The following ADARB2 variants were observed in gnomAD, a reference collection of about 807,000 sequenced individuals.
ADARB2 encodes adenosine deaminase RNA specific B2 (inactive).
In ADARB2, 25 loss-of-function variants were observed where a neutral mutation model predicts 62.2. That is an observed-to-expected ratio of 0.40 (90% CI 0.29 to 0.56). The LOEUF is 0.56. ADARB2 is among the 20% of genes least tolerant of loss of function. The pLI, the probability that ADARB2 is intolerant of heterozygous loss-of-function variation, is 0.43. For missense variants in ADARB2, 1,071 were observed against 1,077.4 expected (o/e 0.99, Z 0.08); for synonymous variants, 572 against 500.8 (o/e 1.14, Z -1.90).
intron 1 of ADARB2, among the ~76,000 whole-genome samples, chr10:1,558,236 T>A (rs1832732743): frequency 6.7e-6 from 1 of 149,160 alleles, no homozygotes; most frequent in Non-Finnish European, 1.5e-5. Flanking sequence ...CCCCCCTCCA[T>A]GGGTGCTCAG....
intron 1 of ADARB2, among the ~76,000 whole-genome samples, chr10:1,393,358 T>A (rs1390143410): frequency 1.3e-5 from 2 of 152,248 alleles, no homozygotes; most frequent in African/African-American, 4.8e-5. Flanking sequence ...TCCTTTGTGT[T>A]ACAAATAATC....
At chr10:1,551,000 G>A (rs1157613569) in intron 1 of ADARB2, among the ~76,000 whole-genome samples, 2 of 152,132 alleles carry the variant, frequency 1.3e-5, no homozygotes, top group African/African-American at 2.4e-5. Flanking sequence ...AAATTCACAC[G>A]TGGAAACCCT....
chr10:1,375,028 C>A lies in ADARB2; in HGVS notation c.187+4046G>T, dbSNP rs541882854. Among the ~76,000 whole-genome samples the A allele has an allele frequency of 1.0e-3, 153 of 152,170 alleles. 1 individual carries two copies. Among genetic ancestry groups the A allele is most frequent in the African/African-American group, 3.6e-3 (148 of 41,476 alleles). On this transcript the variant is annotated intron_variant, in intron 2 of 9. Transcript: ENST00000381312. ...GTGGAGTGGACACTGGCAGGCTGGG[C>A]AGCTGCAGAAGGGCCTCCTTCAAAG...
At chr10:1,680,500 C>G (rs1834522813) in intron 1 of ADARB2, among the ~76,000 whole-genome samples, 1 of 152,182 alleles carries the variant, frequency 6.6e-6, no homozygotes, top group Non-Finnish European at 1.5e-5. Flanking sequence ...GGGCCATGCA[C>G]TTCCCACAGG....
chr10:1,317,542 A>G (rs1261748294), intron 3 of ADARB2, among the ~76,000 whole-genome samples: 1 of 152,242 alleles, frequency 6.6e-6, no homozygotes, highest in East Asian at 1.9e-4. Context: ...TATATAAACA[A>G]GATCACTTCT....
chr10:1,690,211 A>G (rs1490387265), intron 1 of ADARB2, among the ~76,000 whole-genome samples: 1 of 152,256 alleles, frequency 6.6e-6, no homozygotes, highest in African/African-American at 2.4e-5. Flanking sequence ...CTCAGCTCGT[A>G]GGAGCACATG....
intron 1 of ADARB2, among the ~76,000 whole-genome samples, chr10:1,647,572 T>C (rs1159776537): frequency 6.6e-6 from 1 of 152,148 alleles, no homozygotes; most frequent in African/African-American, 2.4e-5. Context: ...TATCTGCATG[T>C]ATGTGTGTGT....
chr10:1,328,624 T>C (rs957274112), intron 3 of ADARB2, among the ~76,000 whole-genome samples: 1 of 152,076 alleles, frequency 6.6e-6, no homozygotes, highest in African/African-American at 2.4e-5. Flanking sequence ...ACAGAGGGGA[T>C]GGGATTATGC....
At chr10:1,489,007 G>C (rs1015049287) in intron 1 of ADARB2, among the ~76,000 whole-genome samples, 2 of 152,230 alleles carry the variant, frequency 1.3e-5, no homozygotes, top group Non-Finnish European at 2.9e-5. Context: ...TGCAGCTTCA[G>C]GGGGCACAGG....
At chr10:1,561,884 C>A (rs1285368654) in intron 1 of ADARB2, among the ~76,000 whole-genome samples, 1 of 152,254 alleles carries the variant, frequency 6.6e-6, no homozygotes, top group Non-Finnish European at 1.5e-5. Flanking sequence ...CCCACTCTTG[C>A]CCATGCAACC....
chr10:1,624,577 C>T (rs1370962639), intron 1 of ADARB2, among the ~76,000 whole-genome samples: 2 of 152,174 alleles, frequency 1.3e-5, no homozygotes, highest in Non-Finnish European at 2.9e-5. Context: ...GCGAAACTCA[C>T]GAGGTTATGA....
intron 1 of ADARB2, among the ~76,000 whole-genome samples, chr10:1,546,005 TC>T (rs1373446523): frequency 7.6e-6 from 1 of 131,364 alleles, no homozygotes; most frequent in Non-Finnish European, 1.7e-5. Flanking sequence ...TGACCCTTAG[TC>T]CTTTAAAAAA....
intron 1 of ADARB2, among the ~76,000 whole-genome samples, chr10:1,633,365 C>T (rs890411520): frequency 2.0e-5 from 3 of 152,142 alleles, no homozygotes; most frequent in African/African-American, 4.8e-5. Context: ...TTTTTCAGTG[C>T]CAACAGGAAT....
At chr10:1,499,278 C>T (rs1831732615) in intron 1 of ADARB2, among the ~76,000 whole-genome samples, 1 of 152,056 alleles carries the variant, frequency 6.6e-6, no homozygotes, top group Admixed American at 6.6e-5. Context: ...CACTCACACT[C>T]ACTTATCACT....
chr10:1,610,510 G>T (rs916047292), intron 1 of ADARB2, among the ~76,000 whole-genome samples: 1 of 152,212 alleles, frequency 6.6e-6, no homozygotes, highest in African/African-American at 2.4e-5. Flanking sequence ...AGGCACTGGG[G>T]CCTGTAAACC....
chr10:1,447,087 T>C (rs1009435169), intron 1 of ADARB2, among the ~76,000 whole-genome samples: 10 of 152,244 alleles, frequency 6.6e-5, no homozygotes, highest in African/African-American at 2.4e-4. Flanking sequence ...TATAACTTTA[T>C]ATGCCAGATT....
intron 3 of ADARB2, among the ~76,000 whole-genome samples, chr10:1,337,290 C>A (rs768921445): frequency 1.3e-5 from 2 of 152,150 alleles, no homozygotes; most frequent in Non-Finnish European, 2.9e-5. Context: ...GATTTAGACT[C>A]TAACGGCAAG....
intron 3 of ADARB2, chr10:1,292,386 T>C (rs1041096782): frequency 6.6e-6 from 1 of 152,258 alleles, no homozygotes; most frequent in African/African-American, 2.4e-5. Flanking sequence ...CACTCTACTG[T>C]GAAGCCTTTT....
At chr10:1,515,561 G>T (rs896870251) in intron 1 of ADARB2, among the ~76,000 whole-genome samples, 8 of 152,308 alleles carry the variant, frequency 5.3e-5, no homozygotes, top group Non-Finnish European at 1.0e-4. Context: ...GGGAAAACCC[G>T]CCAGCCTTGG....
Sources: gnomAD v4.1 joint callset for allele counts (sites outside exome capture counted in the v4.1 genomes callset) on GRCh38, gnomAD v4.1.1 for gene constraint, MANE v1.5 for transcripts, NCBI Gene and HGNC (gene_info 2026-07-23, HGNC 2026-07-21) for gene names.